LRP1B: variants seen among roughly 807,000 people sequenced by gnomAD.
LRP1B encodes LDL receptor related protein 1B, also known as low-density lipoprotein receptor-related protein 1B.
LRP1B carries 217 observed loss-of-function variants against 556.6 expected under a neutral mutation model. The observed-to-expected ratio is 0.39, with a 90% CI of 0.35 to 0.44. The LOEUF is 0.44. Among genes scored for constraint, LRP1B ranks in the 20% least tolerant of loss-of-function variants. LRP1B has a pLI of 1.00. For missense variants in LRP1B, 5,053 were observed against 5,620.8 expected, an observed-to-expected ratio of 0.90 and a Z score of 3.23; for synonymous variants, 2,047 against 1,865.8, an observed-to-expected ratio of 1.10 and a Z score of -2.50.
At chr2:140,760,450 G>A (rs208359) in intron 35 of LRP1B, among the ~76,000 whole-genome samples, 55,662 of 151,984 alleles carry the variant, frequency 0.37, 10,551 homozygotes, top group African/African-American at 0.46. Context: ...ATAAACAATC[G>A]TAGATCAACT....
intron 2 of LRP1B, among the ~76,000 whole-genome samples, chr2:141,736,633 G>A (rs1425465160): frequency 3.9e-5 from 6 of 152,122 alleles, no homozygotes; most frequent in Admixed American, 3.9e-4. Context: ...TTAAACAGCA[G>A]CTCTAGAAAA....
At chr2:140,734,509 G>A (rs183781722) in intron 35 of LRP1B, among the ~76,000 whole-genome samples, 10 of 152,242 alleles carry the variant, frequency 6.6e-5, no homozygotes, top group African/African-American at 2.4e-4. Flanking sequence ...TATTCAAGGC[G>A]ACTGTGATTA....
intron 2 of LRP1B, among the ~76,000 whole-genome samples, chr2:141,773,593 C>A (rs919964223): frequency 6.6e-6 from 1 of 152,212 alleles, no homozygotes; most frequent in Non-Finnish European, 1.5e-5. Context: ...CAAGACATGG[C>A]ACCTCTTTTA....
At chr2:141,789,236 CCA>C (rs1322498146) in intron 2 of LRP1B, among the ~76,000 whole-genome samples, 1 of 151,812 alleles carries the variant, frequency 6.6e-6, no homozygotes, top group Non-Finnish European at 1.5e-5. Context: ...AGGGGGGTGT[CCA>C]GTTTTCTAAT....
At chr2:141,227,930 TTC>T (rs1210385874) in intron 6 of LRP1B, among the ~76,000 whole-genome samples, 2 of 152,174 alleles carry the variant, frequency 1.3e-5, no homozygotes. Flanking sequence ...TTCATTTCTC[TTC>T]TCTTTCTTTT....
chr2:141,912,614 G>A (rs1256454811), intron 1 of LRP1B, among the ~76,000 whole-genome samples: 1 of 152,058 alleles, frequency 6.6e-6, no homozygotes, highest in Non-Finnish European at 1.5e-5. Flanking sequence ...TAGGAGTTCA[G>A]AACATGCCAC....
At chr2:141,112,098 T>TAAA in intron 7 of LRP1B, among the ~76,000 whole-genome samples, 2 of 151,032 alleles carry the variant, frequency 1.3e-5, no homozygotes, top group African/African-American at 2.4e-5. Context: ...AATAAATAAA[T>TAAA]TCTACTCCAC....
At position 140,908,065 on chromosome 2, in the gene LRP1B, T is replaced by C. The variant is rs2105232465; in HGVS notation, c.3332A>G (p.Asn1111Ser). 1 of 1,612,916 alleles carries C rather than the reference T, an allele frequency of 6.2e-7. No individual in the cohort carries two copies. The highest frequency in any genetic ancestry group is 8.5e-7 in the Non-Finnish European group (1 of 1,179,212). Reference sequence around the variant, plus strand: ...ATCTCCATCACACACCCATGCTTTGTTGATGCATCTCCCTTAAGAAAACAG... The same window carrying C: ...ATCTCCATCACACACCCATGCTTTGCTGATGCATCTCCCTTAAGAAAACAG... ...FSCWSTGRCINKAWVCDGDID... is the reference protein window; with the variant it reads ...FSCWSTGRCISKAWVCDGDID... The change falls in exon 22 of 91, where the codon AAC becomes AGC. Residue 1111 changes from asparagine to serine, a missense_variant. By Grantham distance (46) the Asn-to-Ser change is conservative. This residue lies in a region of LRP1B where 3,619 missense variants were observed against 3,931.9 expected (regional missense o/e 0.92). Coordinates refer to ENST00000389484, the MANE Select transcript of LRP1B (RefSeq NM_018557.3).
chr2:141,608,944 G>C (rs1688013389), intron 2 of LRP1B, among the ~76,000 whole-genome samples: 1 of 152,114 alleles, frequency 6.6e-6, no homozygotes. Flanking sequence ...GATTTCACCT[G>C]TTTGTCAATG....
chr2:140,629,392 C>A (rs577045487), intron 41 of LRP1B, among the ~76,000 whole-genome samples: 11 of 152,100 alleles, frequency 7.2e-5, no homozygotes, highest in African/African-American at 2.4e-4. Context: ...ATAGCAATTC[C>A]AGAACAGACT....
chr2:142,005,698 G>A (rs990596898), intron 1 of LRP1B, among the ~76,000 whole-genome samples: 4 of 152,028 alleles, frequency 2.6e-5, no homozygotes, highest in African/African-American at 9.7e-5. Context: ...TAAAAGGGTT[G>A]TTAAAAATAA....
intron 3 of LRP1B, among the ~76,000 whole-genome samples, chr2:141,415,937 A>T (rs1285018966): frequency 2.0e-5 from 3 of 152,218 alleles, no homozygotes; most frequent in African/African-American, 7.2e-5. Flanking sequence ...AGCAGGGAAG[A>T]TTGAGAACTC....
chr2:140,682,307 TCTG>T (rs1685886079), intron 41 of LRP1B, among the ~76,000 whole-genome samples: 1 of 152,214 alleles, frequency 6.6e-6, no homozygotes, highest in Non-Finnish European at 1.5e-5. Context: ...TGTGGTTATT[TCTG>T]CTGCTAAGAT....
intron 59 of LRP1B, among the ~76,000 whole-genome samples, chr2:140,478,370 C>T (rs1442210739): frequency 1.3e-5 from 2 of 151,830 alleles, no homozygotes; most frequent in South Asian, 2.1e-4. Context: ...AGGATGGTCT[C>T]GATCTCCTGA....
At chr2:140,240,182 G>A (rs143612339) in intron 87 of LRP1B, among the ~76,000 whole-genome samples, 1 of 149,936 alleles carries the variant, frequency 6.7e-6, no homozygotes, top group African/African-American at 2.4e-5. Flanking sequence ...ACAGAATTAG[G>A]GGGTGAAGAG....
At chr2:140,452,812 C>T (rs781295630) in intron 62 of LRP1B, among the ~76,000 whole-genome samples, 1 of 151,916 alleles carries the variant, frequency 6.6e-6, no homozygotes, top group African/African-American at 2.4e-5. Flanking sequence ...GATAGATTTA[C>T]ATCATTTAAA....
chr2:140,753,697 C>A (rs1227733311), intron 35 of LRP1B, among the ~76,000 whole-genome samples: 1 of 152,138 alleles, frequency 6.6e-6, no homozygotes, highest in Non-Finnish European at 1.5e-5. Context: ...ACTGCTTCCT[C>A]CACCACCTCA....
chr2:141,115,849 G>T (rs558651046), intron 7 of LRP1B, among the ~76,000 whole-genome samples: 1 of 151,956 alleles, frequency 6.6e-6, no homozygotes, highest in South Asian at 2.1e-4. Flanking sequence ...AAAAACTAAA[G>T]AATTTTCATT....
chr2:141,320,768 T>C (rs756877403), intron 3 of LRP1B, among the ~76,000 whole-genome samples: 17 of 152,246 alleles, frequency 1.1e-4, no homozygotes, highest in Non-Finnish European at 2.4e-4. Flanking sequence ...ATTCGCAGTT[T>C]CACGTAAAAT....
Sources: gnomAD v4.1 joint callset for allele counts (sites outside exome capture counted in the v4.1 genomes callset) on GRCh38, gnomAD v4.1.1 for gene constraint, gnomAD v4.1.1 regional missense constraint, MANE v1.5 for transcripts, NCBI Gene and HGNC (gene_info 2026-07-23, HGNC 2026-07-21) for gene names.